The following CNGA3 variants were observed in gnomAD, a reference collection of about 807,000 sequenced individuals.
The protein encoded by CNGA3 is cyclic nucleotide-gated channel alpha-3.
Under a neutral mutation model 46.6 loss-of-function variants are expected in CNGA3, and 42 were observed. The observed-to-expected ratio is 0.90, with a 90% CI of 0.70 to 1.17. CNGA3 has a LOEUF of 1.17. Ranked by LOEUF, CNGA3 falls within the 50% of genes most tolerant of loss-of-function variation. CNGA3 has a pLI of 0.00. For synonymous variants in CNGA3, 394 were observed against 369.4 expected (o/e 1.07, Z -0.76); for missense variants, 893 against 890.7 (o/e 1.00, Z -0.03).
At chr2:98,360,917 G>C (rs1692016435) in intron 1 of CNGA3, among the ~76,000 whole-genome samples, 1 of 152,056 alleles carries the variant, frequency 6.6e-6, no homozygotes, top group Admixed American at 6.6e-5. Flanking sequence ...TTAGCACATT[G>C]ACTGGAATAA....
intron 7 of CNGA3, 33 bp downstream of exon 7, chr2:98,392,003 T>C: frequency 6.3e-7 from 1 of 1,576,816 alleles, no homozygotes; most frequent in Non-Finnish European, 8.7e-7. Context: ...GAGGGGACCA[T>C]GGCCCCCACG....
intron 1 of CNGA3, among the ~76,000 whole-genome samples, chr2:98,363,122 C>T (rs1692070179): frequency 6.6e-6 from 1 of 152,104 alleles, no homozygotes; most frequent in African/African-American, 2.4e-5. Flanking sequence ...TTAGGATTGT[C>T]TTGGCTATAC....
intron 2 of CNGA3, among the ~76,000 whole-genome samples, chr2:98,371,193 T>C: frequency 6.6e-6 from 1 of 152,186 alleles, no homozygotes; most frequent in Non-Finnish European, 1.5e-5. Flanking sequence ...ATGTTTCTGT[T>C]ATTTTTGCCC....
chr2:98,380,300 A>C lies in CNGA3; in HGVS notation c.341A>C (p.Glu114Ala). The C allele has an allele frequency of 6.2e-7, 1 of 1,614,222 alleles. No individual in the cohort carries two copies. The highest frequency in any genetic ancestry group is 8.5e-7 in the Non-Finnish European group (1 of 1,180,032). Residue 114 changes from glutamate to alanine, a missense_variant, in exon 4 of 8, where the codon GAA (glutamate) becomes GCA (alanine). Physicochemically the swap from Glu to Ala is moderately radical, Grantham distance 107. This residue lies in a region of CNGA3 where 333 missense variants were observed against 290.8 expected (regional missense o/e 1.15). Transcript: ENST00000272602. ...GAGCTTAAGGAGGTGTCCAGCCAAGAAAGCAATGCCCAGGCAAATGTGGGC... is the reference window on the plus strand; with the variant it reads ...GAGCTTAAGGAGGTGTCCAGCCAAGCAAGCAATGCCCAGGCAAATGTGGGC... Reference protein sequence around the residue: ...GAELKEVSSQESNAQANVGSQ... With the variant: ...GAELKEVSSQASNAQANVGSQ...
At chr2:98,385,214 A>C (rs996835424) in intron 5 of CNGA3, among the ~76,000 whole-genome samples, 2 of 152,152 alleles carry the variant, frequency 1.3e-5, no homozygotes, top group Non-Finnish European at 2.9e-5. Context: ...TCCGGCGTAA[A>C]CTGCAGGGCA....
intron 1 of CNGA3, among the ~76,000 whole-genome samples, chr2:98,363,154 T>C (rs1384011970): frequency 6.6e-6 from 1 of 152,248 alleles, no homozygotes; most frequent in Non-Finnish European, 1.5e-5. Flanking sequence ...GGTTTCCATA[T>C]GAATTTTAAA....
intron 6 of CNGA3, 97 bp from the exon 7 acceptor site, chr2:98,391,767 A>T: frequency 8.9e-7 from 1 of 1,128,534 alleles, no homozygotes. Flanking sequence ...ATATTACATG[A>T]TCCAGCGTCT....
chr2:98,380,904 G>A (rs1004834093), intron 4 of CNGA3, among the ~76,000 whole-genome samples: 2 of 152,168 alleles, frequency 1.3e-5, no homozygotes, highest in Non-Finnish European at 2.9e-5. Flanking sequence ...AATACCAGGT[G>A]GGGAAGGGGA....
At chr2:98,387,222 G>A (rs753840922) in intron 5 of CNGA3, among the ~76,000 whole-genome samples, 2 of 152,160 alleles carry the variant, frequency 1.3e-5, no homozygotes, top group Non-Finnish European at 2.9e-5. Context: ...GTGTGATTCG[G>A]TGGCTCTCCC....
At chr2:98,382,152 G>A (rs182471680) in intron 4 of CNGA3, among the ~76,000 whole-genome samples, 50 of 152,344 alleles carry the variant, frequency 3.3e-4, no homozygotes, top group Admixed American at 3.1e-3. Flanking sequence ...GAAGATGGAT[G>A]CGATGGTGCG....
intron 2 of CNGA3, among the ~76,000 whole-genome samples, chr2:98,374,102 C>T (rs1692351554): frequency 6.6e-6 from 1 of 152,180 alleles, no homozygotes; most frequent in South Asian, 2.1e-4. Flanking sequence ...TCTGTTTACT[C>T]TCATGTCCCC....
chr2:98,395,710 TG>T (rs1199939119), intron 7 of CNGA3, 133 bp from the exon 8 acceptor site: 5 of 729,500 alleles, frequency 6.9e-6, no homozygotes, highest in Non-Finnish European at 1.2e-5. Flanking sequence ...TGGTAAGTGT[TG>T]TTTTTGAAAT....
chr2:98,347,940 C>T (rs1691679479), intron 1 of CNGA3, among the ~76,000 whole-genome samples: 1 of 152,212 alleles, frequency 6.6e-6, no homozygotes, highest in Admixed American at 6.5e-5. Context: ...TGCGTTCACG[C>T]TGAGAATTCA....
chr2:98,349,204 T>A (rs946982581), intron 1 of CNGA3, among the ~76,000 whole-genome samples: 6 of 151,704 alleles, frequency 4.0e-5, no homozygotes. Flanking sequence ...AAAGGGAGGC[T>A]GGAAAATGCA....
Position 98,395,837 on chromosome 2 carries a change from T to G in CNGA3, c.674-7T>G, listed in dbSNP as rs917798370. ...TGATGCCCAATGACCTCCATCTTCT[T>G]CTTTAGGTTTTCTCGAGCAAGGCTT... On this transcript the variant is annotated splice_region_variant and splice_polypyrimidine_tract_variant and intron_variant, in intron 7 of 7. Transcript: ENST00000272602. The G allele has an allele frequency of 6.2e-7, 1 of 1,613,950 alleles. No homozygotes were observed. The highest frequency in any genetic ancestry group is 1.3e-5 in the African/African-American group (1 of 74,912).
intron 1 of CNGA3, among the ~76,000 whole-genome samples, chr2:98,361,381 T>G (rs1692029467): frequency 6.6e-6 from 1 of 152,220 alleles, no homozygotes; most frequent in African/African-American, 2.4e-5. Context: ...TATGGCTGCA[T>G]AGTATTCCAT....
At chr2:98,370,802 C>T (rs1169400819) in intron 2 of CNGA3, among the ~76,000 whole-genome samples, 1 of 152,334 alleles carries the variant, frequency 6.6e-6, no homozygotes, top group Middle Eastern at 3.4e-3. Context: ...GTACATAGAG[C>T]TAAACCCTTA....
At chr2:98,392,599 A>AAAAGAAAAGAAAAGAAAAG (rs1558818443) in intron 7 of CNGA3, among the ~76,000 whole-genome samples, 54 of 151,352 alleles carry the variant, frequency 3.6e-4, no homozygotes, top group African/African-American at 1.2e-3. Context: ...GAAAAGAAAA[A>AAAAGAAAAGAAAAGAAAAG]AAAAGAAAAG....
intron 1 of CNGA3, among the ~76,000 whole-genome samples, chr2:98,360,573 T>C (rs1692009015): frequency 6.6e-6 from 1 of 152,240 alleles, no homozygotes; most frequent in Non-Finnish European, 1.5e-5. Context: ...TTCTAGCATA[T>C]TGCCTGGCAC....
Sources: allele counts gnomAD v4.1 joint callset (sites outside exome capture counted in the v4.1 genomes callset), GRCh38; gene constraint gnomAD v4.1.1; regional missense constraint gnomAD v4.1.1; transcripts MANE v1.5; gene names NCBI Gene and HGNC (gene_info 2026-07-23, HGNC 2026-07-21).